Variants in MERTK observed in about 807,000 individuals in gnomAD.
MERTK encodes the protein tyrosine-protein kinase Mer.
MERTK carries 69 observed loss-of-function variants against 99.3 expected under a neutral mutation model. The observed-to-expected ratio is 0.70, with a 90% CI of 0.57 to 0.85. The LOEUF is 0.85. Ranked by LOEUF, MERTK falls within the 40% of genes least tolerant of loss-of-function variation. MERTK has a pLI of 0.00. For synonymous variants in MERTK, 426 were observed against 467.6 expected, an observed-to-expected ratio of 0.91 and a Z score of 1.15; for missense variants, 1,125 against 1,249.4, an observed-to-expected ratio of 0.90 and a Z score of 1.50.
chr2:111,909,045 G>C (rs1035341302), intron 1 of MERTK, among the ~76,000 whole-genome samples: 1 of 152,218 alleles, frequency 6.6e-6, no homozygotes, highest in African/African-American at 2.4e-5. Context: ...CTAATCATCA[G>C]GGAGATGTAA....
chr2:111,987,896 G>A (rs1573622372), intron 8 of MERTK, among the ~76,000 whole-genome samples: 1 of 151,920 alleles, frequency 6.6e-6, no homozygotes, highest in African/African-American at 2.4e-5. Flanking sequence ...TTGCTCTAAT[G>A]CTAGTTTACT....
intron 1 of MERTK, among the ~76,000 whole-genome samples, 189 bp downstream of exon 1, chr2:111,898,985 C>G (rs1389138606): frequency 6.6e-6 from 1 of 152,206 alleles, no homozygotes; most frequent in Non-Finnish European, 1.5e-5. Context: ...CGCGGCGCCT[C>G]AAGCGTCCCG....
rs184513708 is a variant in MERTK, at chr2:111,914,217, G to A, written c.62-14903G>A. Among the ~76,000 whole-genome samples, 3 of 147,610 alleles carry A rather than the reference G, an allele frequency of 2.0e-5. No individual in the cohort carries two copies. In the East Asian group the frequency reaches 6.0e-4, roughly 30 times the overall value. ...CCTCCCAGGTTCAAGTGATTCTCCTGTCTCAGCCCCCAAGTAGCCAGGACT... is the reference window on the plus strand; with the variant it reads ...CCTCCCAGGTTCAAGTGATTCTCCTATCTCAGCCCCCAAGTAGCCAGGACT... On this transcript the variant is annotated intron_variant, in intron 1 of 18. Transcript: ENST00000295408.
intron 18 of MERTK, among the ~76,000 whole-genome samples, chr2:112,025,290 C>T (rs972628463): frequency 6.6e-6 from 1 of 152,184 alleles, no homozygotes; most frequent in African/African-American, 2.4e-5. Context: ...GCTGCAGTTG[C>T]GTGGACTCAG....
chr2:111,982,731 T>C (rs945217896), intron 7 of MERTK, 111 bp from the exon 8 acceptor site: 14 of 1,186,214 alleles, frequency 1.2e-5, no homozygotes, highest in Admixed American at 1.7e-5. Context: ...TTGGTCTCAT[T>C]TGAGTGCTTT....
At chr2:112,015,951 TCTTGTAC>T (rs111619827) in intron 15 of MERTK, 84,145 of 153,406 alleles carry the variant, frequency 0.55, 23,692 homozygotes, top group Non-Finnish European at 0.61. Context: ...ATTGAGTTGC[TCTTGTAC>T]CTTTGTCTAA....
chr2:111,983,169 C>G (rs749671596), intron 8 of MERTK, among the ~76,000 whole-genome samples, 176 bp downstream of exon 8: 4 of 152,170 alleles, frequency 2.6e-5, no homozygotes, highest in Non-Finnish European at 4.4e-5. Flanking sequence ...TGAACAGTTA[C>G]AAAATTCTAA....
intron 4 of MERTK, 81 bp downstream of exon 4, chr2:111,947,648 A>G (rs1684985460): frequency 2.0e-6 from 3 of 1,496,676 alleles, no homozygotes; most frequent in Non-Finnish European, 2.8e-6. Context: ...GCTGTGCACC[A>G]CTAGCAGGCA....
intron 4 of MERTK, among the ~76,000 whole-genome samples, chr2:111,963,148 G>A (rs1217265361): frequency 6.6e-6 from 1 of 152,130 alleles, no homozygotes; most frequent in Non-Finnish European, 1.5e-5. Context: ...ATTAAGTGCT[G>A]TGCTTTAGAT....
chr2:111,918,382 T>C (rs989391169), intron 1 of MERTK, among the ~76,000 whole-genome samples: 9 of 152,204 alleles, frequency 5.9e-5, no homozygotes, highest in African/African-American at 2.2e-4. Context: ...GGCTGGAGTA[T>C]ATGTTTTGGG....
Position 112,028,832 on chromosome 2 carries a change from G to A in MERTK, c.2968G>A (p.Asp990Asn), listed in dbSNP as rs200644454. 8.7e-6 allele frequency: 14 copies of A among 1,613,824 alleles called. No homozygotes were observed. The highest frequency in any genetic ancestry group is 8.3e-5 in the Admixed American group (5 of 59,982). Residue 990 changes from aspartate (D) to asparagine (N), a missense_variant, in exon 19 of 19, where the codon GAC becomes AAC. Physicochemically the swap from Asp to Asn is conservative, Grantham distance 23. Transcript: ENST00000295408. ...GCCCGATGAACTTTTGTTTGCTGAC[G>A]ACTCCTCAGAAGGCTCAGAAGTCCT... Reference protein sequence around the residue: ...SLPDELLFADDSSEGSEVLM With the variant: ...SLPDELLFADNSSEGSEVLM
At chr2:111,928,859 G>T (rs560373850) in intron 1 of MERTK, among the ~76,000 whole-genome samples, 220 of 152,284 alleles carry the variant, frequency 1.4e-3, no homozygotes, top group Middle Eastern at 0.01. Flanking sequence ...GAAGGACTTG[G>T]AATGAGTCAG....
At chr2:111,984,937 C>G (rs1005378834) in intron 8 of MERTK, among the ~76,000 whole-genome samples, 4 of 152,184 alleles carry the variant, frequency 2.6e-5, no homozygotes, top group Non-Finnish European at 5.9e-5. Flanking sequence ...GTGCTTGGAA[C>G]TGGGTAGGGG....
At chr2:111,899,451 C>T (rs1353587745) in intron 1 of MERTK, among the ~76,000 whole-genome samples, 2 of 152,076 alleles carry the variant, frequency 1.3e-5, no homozygotes, top group Admixed American at 1.3e-4. Context: ...CCTGTTATGG[C>T]AGAACAGAAC....
chr2:112,008,316 G>A (rs937003442), intron 13 of MERTK, 67 bp from the exon 14 acceptor site: 1 of 1,199,892 alleles, frequency 8.3e-7, no homozygotes, highest in African/African-American at 1.5e-5. Flanking sequence ...CAGAACTGCT[G>A]TTGCCCACCC....
At chr2:111,992,745 C>G (rs369725527) in intron 8 of MERTK, among the ~76,000 whole-genome samples, 1 of 124,920 alleles carries the variant, frequency 8.0e-6, no homozygotes, top group Non-Finnish European at 1.7e-5. Flanking sequence ...AGCAAGACTC[C>G]GTCTCAAAAA....
At chr2:111,900,066 G>C (rs1263331277) in intron 1 of MERTK, among the ~76,000 whole-genome samples, 1 of 152,112 alleles carries the variant, frequency 6.6e-6, no homozygotes, top group Non-Finnish European at 1.5e-5. Context: ...TTTCCATTCA[G>C]CATGTAGATT....
At chr2:111,962,037 A>G (rs1256395447) in intron 4 of MERTK, among the ~76,000 whole-genome samples, 1 of 152,174 alleles carries the variant, frequency 6.6e-6, no homozygotes, top group Non-Finnish European at 1.5e-5. Context: ...AAAATTTCCT[A>G]CACATGTAGA....
At chr2:111,947,599 T>C in intron 4 of MERTK, 32 bp downstream of exon 4, 1 of 1,612,354 alleles carries the variant, frequency 6.2e-7, no homozygotes, top group South Asian at 1.1e-5. Context: ...ATTGATTTAT[T>C]CTCTAATAGC....
Sources: gnomAD v4.1 joint callset for allele counts (sites outside exome capture counted in the v4.1 genomes callset) on GRCh38, gnomAD v4.1.1 for gene constraint, MANE v1.5 for transcripts, NCBI Gene and HGNC (gene_info 2026-07-23, HGNC 2026-07-21) for gene names.